Variants in ZMAT4 observed in about 807,000 individuals in gnomAD.
ZMAT4 encodes zinc finger matrin-type 4, also known as zinc finger matrin-type protein 4.
A neutral mutation model predicts 28.7 loss-of-function variants in ZMAT4; 17 were observed. The observed-to-expected ratio is 0.59, with a 90% confidence interval of 0.41 to 0.89. ZMAT4 has a LOEUF of 0.89. ZMAT4 is among the 40% of genes least tolerant of loss of function. ZMAT4 has a pLI of 0.00. For synonymous variants in ZMAT4, 117 were observed against 109.2 expected (o/e 1.07, Z -0.44); for missense variants, 240 against 283.8 (o/e 0.85, Z 1.11).
intron 1 of ZMAT4, among the ~76,000 whole-genome samples, chr8:40,880,012 C>T (rs185986657): frequency 2.0e-3 from 304 of 152,248 alleles, no homozygotes; most frequent in African/African-American, 6.8e-3. Flanking sequence ...ATTTTGTGCA[C>T]GCATATTTCC....
At chr8:40,811,629 G>A (rs1815320981) in intron 2 of ZMAT4, among the ~76,000 whole-genome samples, 1 of 152,164 alleles carries the variant, frequency 6.6e-6, no homozygotes, top group Non-Finnish European at 1.5e-5. Context: ...GTGCTAGTAA[G>A]GCATTGGAGG....
At chr8:40,761,332 T>G (rs1384522216) in intron 3 of ZMAT4, among the ~76,000 whole-genome samples, 1 of 152,094 alleles carries the variant, frequency 6.6e-6, no homozygotes, top group Non-Finnish European at 1.5e-5. Flanking sequence ...TGAATGAAAG[T>G]CAGTTTGAAG....
intron 1 of ZMAT4, among the ~76,000 whole-genome samples, chr8:40,886,827 C>T (rs1818466019): frequency 6.6e-6 from 1 of 152,114 alleles, no homozygotes; most frequent in Admixed American, 6.5e-5. Flanking sequence ...AACCTTGCTA[C>T]ATGAATGGTA....
intron 4 of ZMAT4, among the ~76,000 whole-genome samples, chr8:40,685,272 G>C (rs895455831): frequency 3.9e-5 from 6 of 152,076 alleles, no homozygotes; most frequent in African/African-American, 1.4e-4. Context: ...AAATGTAAAA[G>C]CAAGAAGGTA....
chr8:40,723,024 T>C (rs1030509670), intron 3 of ZMAT4, among the ~76,000 whole-genome samples: 2 of 152,260 alleles, frequency 1.3e-5, no homozygotes, highest in South Asian at 2.1e-4. Context: ...GCATCTTCAC[T>C]TGGGGAGAAG....
At chr8:40,710,550 C>G (rs941118176) in intron 3 of ZMAT4, among the ~76,000 whole-genome samples, 2 of 151,950 alleles carry the variant, frequency 1.3e-5, no homozygotes, top group African/African-American at 4.8e-5. Context: ...ACAAAATTTC[C>G]CTAGCACTCA....
At chr8:40,544,666 A>G (rs1188772518) in intron 6 of ZMAT4, among the ~76,000 whole-genome samples, 2 of 152,214 alleles carry the variant, frequency 1.3e-5, no homozygotes, top group Non-Finnish European at 2.9e-5. Context: ...TAATGTCACC[A>G]GCAGAAACAC....
intron 6 of ZMAT4, among the ~76,000 whole-genome samples, chr8:40,557,729 C>A (rs1228295407): frequency 6.6e-6 from 1 of 152,074 alleles, no homozygotes. Context: ...CAGTGCCTGC[C>A]CTCTGTGTGC....
intron 1 of ZMAT4, among the ~76,000 whole-genome samples, chr8:40,894,297 A>T (rs1026504834): frequency 6.6e-6 from 1 of 152,206 alleles, no homozygotes; most frequent in Non-Finnish European, 1.5e-5. Context: ...TGGGGACAGG[A>T]TTACCTCATT....
chr8:40,665,046 A>G (rs1808347693), intron 5 of ZMAT4, among the ~76,000 whole-genome samples: 1 of 152,132 alleles, frequency 6.6e-6, no homozygotes, highest in Non-Finnish European at 1.5e-5. Flanking sequence ...AATAATTCAA[A>G]ACGTAAAGCC....
At chr8:40,690,654 T>C (rs995396737) in intron 4 of ZMAT4, among the ~76,000 whole-genome samples, 1 of 152,150 alleles carries the variant, frequency 6.6e-6, no homozygotes, top group Non-Finnish European at 1.5e-5. Context: ...TGATTGAACC[T>C]AGAGTGCATG....
intron 1 of ZMAT4, among the ~76,000 whole-genome samples, chr8:40,888,029 A>G (rs1818530958): frequency 6.6e-6 from 1 of 152,104 alleles, no homozygotes; most frequent in African/African-American, 2.4e-5. Flanking sequence ...CTCTGCCTCC[A>G]TGAATCCTGT....
intron 4 of ZMAT4, among the ~76,000 whole-genome samples, chr8:40,680,397 G>A (rs918884158): frequency 2.0e-5 from 3 of 152,054 alleles, no homozygotes. Context: ...CAGCTTCGGA[G>A]GACAGACTGG....
At chr8:40,863,283 GA>G (rs34669807) in intron 1 of ZMAT4, among the ~76,000 whole-genome samples, 351 of 148,228 alleles carry the variant, frequency 2.4e-3, no homozygotes, top group African/African-American at 6.5e-3. Context: ...TCAGAAAGGA[GA>G]AAAAAAAAAC....
intron 5 of ZMAT4, among the ~76,000 whole-genome samples, chr8:40,658,255 C>T (rs1414894975): frequency 6.6e-6 from 1 of 152,100 alleles, no homozygotes; most frequent in Admixed American, 6.6e-5. Context: ...CTATTGATTG[C>T]TTGTTCTCTT....
chr8:40,851,344 A>G (rs1048394156), intron 1 of ZMAT4, among the ~76,000 whole-genome samples: 15 of 152,164 alleles, frequency 9.9e-5, no homozygotes, highest in African/African-American at 3.4e-4. Context: ...AAGGAAACAA[A>G]CAAACAAAAA....
chr8:40,591,704 G>T (rs1804900294), intron 5 of ZMAT4, among the ~76,000 whole-genome samples: 1 of 152,174 alleles, frequency 6.6e-6, no homozygotes, highest in Admixed American at 6.5e-5. Flanking sequence ...ATCATTCGTA[G>T]TGGTTTATTC....
At chr8:40,698,594 G>C (rs1308649667) in intron 3 of ZMAT4, among the ~76,000 whole-genome samples, 2 of 152,206 alleles carry the variant, frequency 1.3e-5, no homozygotes, top group Non-Finnish European at 2.9e-5. Context: ...AGGAGGATGA[G>C]GGTGGCAACT....
chr8:40,642,622 G>A (rs1807090062), intron 5 of ZMAT4, among the ~76,000 whole-genome samples: 1 of 152,192 alleles, frequency 6.6e-6, no homozygotes, highest in Admixed American at 6.5e-5. Flanking sequence ...ACCTGGCAAA[G>A]TTGTGGCAAG....
Sources: gnomAD v4.1 joint callset for allele counts (sites outside exome capture counted in the v4.1 genomes callset) on GRCh38, gnomAD v4.1.1 for gene constraint, MANE v1.5 for transcripts, NCBI Gene and HGNC (gene_info 2026-07-23, HGNC 2026-07-21) for gene names.